Variants in SHISA9 observed in about 807,000 individuals in gnomAD.
SHISA9 encodes protein shisa-9.
In SHISA9, 13 loss-of-function variants were observed where a neutral mutation model predicts 38.0. That is an observed-to-expected ratio of 0.34 (90% CI 0.22 to 0.54). The LOEUF (loss-of-function observed/expected upper bound fraction) is 0.54. SHISA9 is among the 20% of genes least tolerant of loss of function. SHISA9 has a pLI of 0.91. For synonymous variants in SHISA9, 275 were observed against 242.0 expected, an observed-to-expected ratio of 1.14 and a Z score of -1.27; for missense variants, 538 against 575.8, an observed-to-expected ratio of 0.93 and a Z score of 0.67.
At chr16:13,248,112 G>A in the SHISA9 span, among the ~76,000 whole-genome samples, 11 of 152,234 alleles carry the variant, frequency 7.2e-5, no homozygotes, top group East Asian at 3.9e-4. Context: ...AGCACCATGC[G>A]GGTCTTAAAG....
At chr16:13,218,847 G>A (rs563591796) in intron 4 of SHISA9, among the ~76,000 whole-genome samples, 4 of 152,282 alleles carry the variant, frequency 2.6e-5, no homozygotes, top group Middle Eastern at 6.8e-3. Flanking sequence ...AGTTCCATTG[G>A]AGTGCATGCA....
chr16:13,094,803 T>G (rs1305992175), intron 2 of SHISA9, among the ~76,000 whole-genome samples: 2 of 152,108 alleles, frequency 1.3e-5, no homozygotes, highest in Non-Finnish European at 2.9e-5. Flanking sequence ...TGAATTCAAG[T>G]TTTGCTTCTT....
chr16:13,439,134 G>A, the SHISA9 span, among the ~76,000 whole-genome samples: 1 of 152,158 alleles, frequency 6.6e-6, no homozygotes, highest in Non-Finnish European at 1.5e-5. Context: ...TAGAAGCAGA[G>A]AGCTCACATA....
chr16:12,999,048 C>T (rs996185315), intron 2 of SHISA9, among the ~76,000 whole-genome samples: 10 of 152,056 alleles, frequency 6.6e-5, no homozygotes, highest in Non-Finnish European at 1.0e-4. Flanking sequence ...TTAAAGACAC[C>T]TTATTTGGTA....
intron 2 of SHISA9, among the ~76,000 whole-genome samples, chr16:12,951,542 C>T (rs918542276): frequency 1.3e-5 from 2 of 152,030 alleles, no homozygotes; most frequent in East Asian, 1.9e-4. Context: ...TGGATTTGGC[C>T]CATGGACTGT....
intron 2 of SHISA9, among the ~76,000 whole-genome samples, chr16:13,173,579 G>A (rs2142023591): frequency 6.6e-6 from 1 of 152,260 alleles, no homozygotes; most frequent in East Asian, 1.9e-4. Context: ...CCTATTTGGG[G>A]ATATTTAACA....
At chr16:13,440,521 C>A in the SHISA9 span, among the ~76,000 whole-genome samples, 1 of 152,204 alleles carries the variant, frequency 6.6e-6, no homozygotes, top group South Asian at 2.1e-4. Context: ...TCAAGACTGA[C>A]GCCCCCTTTG....
At chr16:13,392,880 C>T in the SHISA9 span, among the ~76,000 whole-genome samples, 1 of 152,250 alleles carries the variant, frequency 6.6e-6, no homozygotes, top group African/African-American at 2.4e-5. Flanking sequence ...AAGGGATTCT[C>T]TTACTCACAG....
the SHISA9 span, among the ~76,000 whole-genome samples, chr16:13,367,651 T>G: frequency 4.3e-5 from 6 of 140,610 alleles, no homozygotes; most frequent in South Asian, 2.2e-4. Flanking sequence ...GCAAGTAGGA[T>G]GCGGGGGGGA....
chr16:13,557,623 G>T, the SHISA9 span, among the ~76,000 whole-genome samples: 12 of 152,264 alleles, frequency 7.9e-5, no homozygotes, highest in Non-Finnish European at 1.5e-4. Flanking sequence ...GGAGGAACAT[G>T]GCACAGGGCA....
chr16:13,562,972 A>C, the SHISA9 span: 3 of 152,160 alleles, frequency 2.0e-5, no homozygotes, highest in African/African-American at 7.2e-5. Context: ...CGTTTGGTGG[A>C]ACGTAAAGTG....
the SHISA9 span, among the ~76,000 whole-genome samples, chr16:13,439,095 TAAAA>T: frequency 3.4e-4 from 51 of 152,054 alleles, no homozygotes; most frequent in East Asian, 9.3e-3. Context: ...ACTTACAACT[TAAAA>T]AAAGTCTTAA....
intron 2 of SHISA9, among the ~76,000 whole-genome samples, chr16:13,139,047 A>G (rs2050374636): frequency 6.6e-6 from 1 of 152,202 alleles, no homozygotes; most frequent in South Asian, 2.1e-4. Flanking sequence ...AATTAGAGGA[A>G]TGAAGTTGTC....
chr16:13,224,703 A>T (rs2051262185), intron 4 of SHISA9, among the ~76,000 whole-genome samples: 1 of 152,208 alleles, frequency 6.6e-6, no homozygotes, highest in African/African-American at 2.4e-5. Flanking sequence ...AACTTTATAT[A>T]GTAATATGAG....
chr16:13,418,799 A>G, the SHISA9 span, among the ~76,000 whole-genome samples: 1 of 152,236 alleles, frequency 6.6e-6, no homozygotes. Context: ...AACACAGAAG[A>G]TAGCATGCTG....
At chr16:13,519,309 A>T in the SHISA9 span, among the ~76,000 whole-genome samples, 114,820 of 152,094 alleles carry the variant, frequency 0.75, 43,634 homozygotes, top group East Asian at 0.95. Context: ...ATTGTAGTTG[A>T]AGCATTCGTT....
chr16:13,501,900 G>A, the SHISA9 span, among the ~76,000 whole-genome samples: 1 of 152,134 alleles, frequency 6.6e-6, no homozygotes, highest in Non-Finnish European at 1.5e-5. Context: ...TATTCTGGAG[G>A]CTGAGGCAGG....
chr16:13,172,476 T>C (rs2050694975), intron 2 of SHISA9, among the ~76,000 whole-genome samples: 1 of 152,240 alleles, frequency 6.6e-6, no homozygotes, highest in Non-Finnish European at 1.5e-5. Flanking sequence ...AACGTGTGCA[T>C]GAAGCCTCTT....
chr16:13,081,392 C>A (rs1384937232), intron 2 of SHISA9, among the ~76,000 whole-genome samples: 2 of 152,072 alleles, frequency 1.3e-5, no homozygotes, highest in East Asian at 3.9e-4. Context: ...AAGGGTCAGG[C>A]GAGGCTGACA....
Sources: allele counts gnomAD v4.1 joint callset (sites outside exome capture counted in the v4.1 genomes callset), GRCh38; gene constraint gnomAD v4.1.1; transcripts MANE v1.5; gene names NCBI Gene and HGNC (gene_info 2026-07-23, HGNC 2026-07-21).